TRIM16: variants seen among roughly 807,000 people sequenced by gnomAD.
TRIM16 encodes the protein tripartite motif-containing protein 16.
Under a neutral mutation model 50.4 loss-of-function variants are expected in TRIM16, and 33 were observed. That is an observed-to-expected ratio of 0.65 (90% confidence interval 0.50 to 0.88). The LOEUF (loss-of-function observed/expected upper bound fraction) is 0.88. TRIM16 is among the 40% of genes least tolerant of loss of function. The probability of loss-of-function intolerance (pLI) is 0.00; values close to 1 mark genes in which losing one functional copy is unlikely to be tolerated. For synonymous variants in TRIM16, 229 were observed against 270.7 expected (o/e 0.85, Z 1.51); for missense variants, 581 against 686.8 (o/e 0.85, Z 1.72).
intron 6 of TRIM16, among the ~76,000 whole-genome samples, chr17:15,675,794 C>T (rs1254824562): frequency 1.4e-5 from 2 of 147,172 alleles, no homozygotes; most frequent in Non-Finnish European, 3.0e-5. Context: ...CGTATATATA[C>T]ATGTGTATAT....
At chr17:15,655,571 ATC>A (rs1014982543) in intron 6 of TRIM16, among the ~76,000 whole-genome samples, 2 of 148,854 alleles carry the variant, frequency 1.3e-5, no homozygotes, top group African/African-American at 2.5e-5. Flanking sequence ...CAATCATTTG[ATC>A]TCTCTCTTTT....
intron 6 of TRIM16, among the ~76,000 whole-genome samples, chr17:15,674,726 G>C (rs1260602616): frequency 2.0e-5 from 3 of 152,160 alleles, no homozygotes; most frequent in Non-Finnish European, 2.9e-5. Flanking sequence ...GCTCTCCCCA[G>C]AAACCCTGTG....
intron 6 of TRIM16, among the ~76,000 whole-genome samples, chr17:15,673,293 G>T (rs201368005): frequency 6.6e-6 from 1 of 152,190 alleles, no homozygotes; most frequent in East Asian, 1.9e-4. Flanking sequence ...AGATATCACC[G>T]TTTATTCAGA....
chr17:15,675,346 G>C (rs1414463026), intron 6 of TRIM16: 1 of 159,634 alleles, frequency 6.3e-6, no homozygotes, highest in Non-Finnish European at 1.5e-5. Context: ...ACCAAATGAA[G>C]AGTCTGAGTG....
At chr17:15,668,975 GGAAAT>G (rs1401155947) in intron 6 of TRIM16, among the ~76,000 whole-genome samples, 2 of 151,464 alleles carry the variant, frequency 1.3e-5, no homozygotes, top group African/African-American at 4.9e-5. Flanking sequence ...AGTGGAAAAA[GGAAAT>G]GAAAAGGCAA....
At chr17:15,656,295 T>C (rs1175398861) in intron 6 of TRIM16, among the ~76,000 whole-genome samples, 2 of 152,128 alleles carry the variant, frequency 1.3e-5, no homozygotes, top group African/African-American at 4.8e-5. Context: ...TGAACTCAAA[T>C]TCCCTATTGC....
chr17:15,650,959 G>T, intron 7 of TRIM16, 132 bp downstream of exon 7: 1 of 1,300,886 alleles, frequency 7.7e-7, no homozygotes, highest in Non-Finnish European at 1.0e-6. Flanking sequence ...GCAGGCAGAC[G>T]CTGAAGCTAG....
In TRIM16 at chr17:15,639,813, A is replaced by T. The variant is rs574238992; in HGVS notation, c.615+2908T>A. 7.6e-4 allele frequency among the ~76,000 whole-genome samples: 114 copies of T among 149,046 alleles called. 3 individuals are homozygous for T. Among genetic ancestry groups the T allele is most frequent in the African/African-American group, 2.7e-3 (110 of 40,322 alleles). ...TACCTGGGCCCCACCCAGGCCCCCC[A>T]AGTGGCAAACCTGCTGCCTGGGGCT... On this transcript the variant is annotated intron_variant, in intron 8 of 11. Transcript: ENST00000649191.
intron 6 of TRIM16, 135 bp from the exon 7 acceptor site, chr17:15,652,081 T>A: frequency 2.0e-6 from 1 of 510,448 alleles, no homozygotes; most frequent in Non-Finnish European, 2.6e-6. Flanking sequence ...GGACAGCCAT[T>A]CATCTACTCC....
At chr17:15,665,817 G>A in intron 6 of TRIM16, among the ~76,000 whole-genome samples, 1 of 151,992 alleles carries the variant, frequency 6.6e-6, no homozygotes, top group East Asian at 1.9e-4. Context: ...TCAACTTTCA[G>A]ACCTGTATAT....
chr17:15,636,124 T>C lies in TRIM16; in HGVS notation c.761A>G (p.His254Arg), dbSNP rs77503950. Residue 254 changes from histidine to arginine, a missense_variant, in exon 9 of 12, where the codon CAC becomes CGC. His to Arg is a conservative substitution (Grantham distance 29). Coordinates refer to ENST00000649191, the MANE Select transcript of TRIM16 (RefSeq NM_001348119.1). ...CATCTCGGCACTCCTGTACTCCAGG[T>C]GGGCCTTGATACCGTTGGCCTGGCT... ...ALSQANGIKA[H>R]LEYRSAEMEK... 7 of 1,609,976 alleles carry C rather than the reference T, an allele frequency of 4.3e-6. No individual in the cohort carries two copies. Among genetic ancestry groups the C allele is most frequent in the Non-Finnish European group, 5.9e-6 (7 of 1,178,918 alleles).
chr17:15,677,784 T>C, intron 4 of TRIM16, 63 bp from the exon 5 acceptor site: 1 of 981,092 alleles, frequency 1.0e-6, no homozygotes, highest in Non-Finnish European at 1.2e-6. Flanking sequence ...GGAAATAGAT[T>C]AAACTATGTT....
At chr17:15,654,954 G>A (rs1461057396) in intron 6 of TRIM16, among the ~76,000 whole-genome samples, 1 of 151,698 alleles carries the variant, frequency 6.6e-6, no homozygotes, top group Non-Finnish European at 1.5e-5. Flanking sequence ...ATGAATAGCT[G>A]TCCCGTCATT....
chr17:15,679,193 C>G (rs1354521542), intron 4 of TRIM16, among the ~76,000 whole-genome samples: 1 of 152,128 alleles, frequency 6.6e-6, no homozygotes, highest in African/African-American at 2.4e-5. Flanking sequence ...GATGCAGACT[C>G]TTAATATACA....
chr17:15,639,063 T>C (rs1200232512), intron 8 of TRIM16, among the ~76,000 whole-genome samples: 1 of 135,796 alleles, frequency 7.4e-6, no homozygotes, highest in Non-Finnish European at 1.6e-5. Flanking sequence ...TTTTTTTTTT[T>C]TTTTTTTTTA....
rs576924703 is a variant in TRIM16 at position 15,662,704 on chromosome 17, A to G, written c.-337-10758T>C. 6.6e-5 allele frequency among the ~76,000 whole-genome samples: 10 copies of G among 152,318 alleles called. No homozygotes were observed. In the South Asian group the frequency reaches 1.9e-3, roughly 28 times the overall value. On this transcript the variant is annotated intron_variant, in intron 6 of 11. Coordinates refer to ENST00000649191, the MANE Select transcript of TRIM16 (RefSeq NM_001348119.1). ...AGCTGACTACACATTCTGTGCAGGG[A>G]CTGTGCTAAGCAGGGAATACATTAT...
intron 11 of TRIM16, among the ~76,000 whole-genome samples, chr17:15,630,350 C>T (rs1278322289): frequency 6.6e-6 from 1 of 152,182 alleles, no homozygotes. Flanking sequence ...AACTTGGCAC[C>T]CCTCTCCATT....
At position 15,633,741 on chromosome 17, in the gene TRIM16, C is replaced by T. The variant is rs189064675; in HGVS notation, c.850-1067G>A. Among the ~76,000 whole-genome samples, 532 of 150,002 alleles carry T rather than the reference C, an allele frequency of 3.5e-3. 1 individual carries two copies. The highest frequency in any genetic ancestry group is 0.013 in the African/African-American group (511 of 40,850). On this transcript the variant is annotated intron_variant, in intron 9 of 11. Coordinates refer to ENST00000649191, the MANE Select transcript of TRIM16 (RefSeq NM_001348119.1). ...ATTTTTAGTAGAGACAGGGTTTCAC[C>T]ATGTTGGTCAGGCTGGTCTCAAACT...
chr17:15,683,183 GT>G (rs1989252012), intron 1 of TRIM16, 26 bp from the exon 2 acceptor site: 3 of 1,487,014 alleles, frequency 2.0e-6, no homozygotes, highest in Non-Finnish European at 2.7e-6. Context: ...CTGGATTGAA[GT>G]TTTCCCCTTT....
Sources: gnomAD v4.1 joint callset for allele counts (sites outside exome capture counted in the v4.1 genomes callset) on GRCh38, gnomAD v4.1.1 for gene constraint, MANE v1.5 for transcripts, NCBI Gene and HGNC (gene_info 2026-07-23, HGNC 2026-07-21) for gene names.